Variants in BNC1 observed in about 807,000 individuals in gnomAD.
BNC1 encodes the protein basonuclin zinc finger protein 1, also known as zinc finger protein basonuclin-1.
Under a neutral mutation model 66.5 loss-of-function variants are expected in BNC1, and 8 were observed. That is an observed-to-expected ratio of 0.12 (90% confidence interval 0.07 to 0.22). The LOEUF (loss-of-function observed/expected upper bound fraction) is 0.22. Among genes scored for constraint, BNC1 ranks in the 10% least tolerant of loss-of-function variants. The pLI, the probability that BNC1 is intolerant of heterozygous loss-of-function variation, is 1.00. For missense variants in BNC1, 1,069 were observed against 1,241.3 expected, an observed-to-expected ratio of 0.86 and a Z score of 2.09; for synonymous variants, 454 against 452.6, an observed-to-expected ratio of 1.00 and a Z score of -0.04.
intron 1 of BNC1, among the ~76,000 whole-genome samples, chr15:83,272,895 T>C (rs1215481352): frequency 6.6e-6 from 1 of 152,190 alleles, no homozygotes; most frequent in East Asian, 1.9e-4. Flanking sequence ...TCAACATCCC[T>C]GACTGCTACA....
At chr15:83,266,560 T>G (rs1424076107) in intron 3 of BNC1, among the ~76,000 whole-genome samples, 1 of 152,122 alleles carries the variant, frequency 6.6e-6, no homozygotes, top group South Asian at 2.1e-4. Flanking sequence ...AGGCAGCACC[T>G]GAAATGGGGC....
At chr15:83,277,831 T>G (rs904878081) in intron 1 of BNC1, among the ~76,000 whole-genome samples, 1 of 152,212 alleles carries the variant, frequency 6.6e-6, no homozygotes, top group Non-Finnish European at 1.5e-5. Flanking sequence ...TTTAGGAAAC[T>G]GCATCATTCA....
At position 83,267,004 on chromosome 15, in the gene BNC1, T is replaced by C; in HGVS notation, c.267A>G (p.Val89=). ...TSQVEIVQSN[V]VFDISSLMLY... is the part of the protein sequence containing the mutation. ...GCATGAGGCTGCTAATATCAAACAC[T>C]ACATTGGACTGGACAATCTCCACCT... The change falls in exon 3 of 5, where the codon GTA becomes GTG. Residue 89 remains valine (V), a synonymous_variant. Transcript: ENST00000345382. 1.2e-6 allele frequency: 2 copies of C among 1,614,050 alleles called. No homozygotes were observed. The highest frequency in any genetic ancestry group is 2.2e-5 in the South Asian group (2 of 91,066).
At chr15:83,272,600 G>A (rs1005266143) in intron 1 of BNC1, among the ~76,000 whole-genome samples, 1 of 152,058 alleles carries the variant, frequency 6.6e-6, no homozygotes, top group African/African-American at 2.4e-5. Context: ...TGCTTATTTG[G>A]AAAATAAGAC....
At chr15:83,268,964 G>A (rs2038243761) in intron 1 of BNC1, among the ~76,000 whole-genome samples, 1 of 152,204 alleles carries the variant, frequency 6.6e-6, no homozygotes, top group Non-Finnish European at 1.5e-5. Flanking sequence ...GGTGGCTCAC[G>A]CCTGTAATCC....
Position 83,261,144 on chromosome 15 carries a change from C to T in BNC1, c.2300+1807G>A, listed in dbSNP as rs186754275. On this transcript the variant is annotated intron_variant, in intron 4 of 4. Coordinates refer to ENST00000345382, the MANE Select transcript of BNC1 (RefSeq NM_001717.4). ...TCATAAATATCAAAGATAATATGAC[C>T]AACATGACTGTCTCTGTAGCAACAG... Among the ~76,000 whole-genome samples the T allele has an allele frequency of 2.0e-5, 3 of 152,144 alleles. No individual in the cohort carries two copies. In the East Asian group the frequency reaches 5.8e-4, roughly 29 times the overall value.
intron 1 of BNC1, among the ~76,000 whole-genome samples, chr15:83,281,654 T>C (rs2038379816): frequency 6.6e-6 from 1 of 152,254 alleles, no homozygotes. Context: ...TAAAGCCACA[T>C]ACAGAAGCTA....
intron 1 of BNC1, among the ~76,000 whole-genome samples, chr15:83,281,151 G>C (rs976773782): frequency 6.6e-6 from 1 of 152,190 alleles, no homozygotes. Context: ...GCATGTGTCC[G>C]TGCAGAGAAA....
intron 1 of BNC1, among the ~76,000 whole-genome samples, chr15:83,272,011 G>A (rs1002013386): frequency 1.3e-5 from 2 of 152,160 alleles, no homozygotes; most frequent in Admixed American, 6.5e-5. Context: ...CACCTAAAAC[G>A]TTGTCCAGCA....
At chr15:83,260,177 G>A (rs948684451) in intron 4 of BNC1, among the ~76,000 whole-genome samples, 1 of 152,060 alleles carries the variant, frequency 6.6e-6, no homozygotes, top group East Asian at 1.9e-4. Context: ...CAGAGGCTAC[G>A]TAACACAATT....
At chr15:83,260,173 C>G (rs1251140981) in intron 4 of BNC1, among the ~76,000 whole-genome samples, 2 of 152,084 alleles carry the variant, frequency 1.3e-5, no homozygotes, top group East Asian at 3.9e-4. Context: ...TTTTCAGAGG[C>G]TACGTAACAC....
In BNC1 at chr15:83,257,230, T is replaced by C; in HGVS notation, c.*212A>G. The C allele has an allele frequency of 6.6e-6, 4 of 607,754 alleles. No individual in the cohort carries two copies. In the South Asian group the frequency reaches 8.8e-5, roughly 13 times the overall value. 37.6% of individuals were successfully genotyped at this position (607,754 alleles called of 1,614,324 possible). ...TTCCTTGTATCAGTGAAAGACCTCT[T>C]GGGCTAAGAAAAATAATAGGAAGGG... On this transcript the variant is annotated 3_prime_UTR_variant, in exon 5 of 5. Coordinates refer to ENST00000345382, the MANE Select transcript of BNC1 (RefSeq NM_001717.4).
chr15:83,273,583 T>C (rs1025641896), intron 1 of BNC1, among the ~76,000 whole-genome samples: 3 of 152,248 alleles, frequency 2.0e-5, no homozygotes, highest in Non-Finnish European at 4.4e-5. Context: ...CAAATCAACA[T>C]TCAAAATCCT....
chr15:83,263,102 C>T lies in BNC1; in HGVS notation c.2149G>A (p.Glu717Lys). The change falls in exon 4 of 5, where the codon GAA becomes AAA. Residue 717 changes from glutamate to lysine, a missense_variant. Physicochemically the swap from Glu to Lys is moderately conservative, Grantham distance 56. Coordinates refer to ENST00000345382, the MANE Select transcript of BNC1 (RefSeq NM_001717.4). ...CAGATGTCACACTGGAAGCGATTTT[C>T]TTCTATCTGCCTTGCTAATGCATGC... ...GQHALARQIE[E>K]NRFQCDICKK... 2 of 1,614,204 alleles carry T rather than the reference C, an allele frequency of 1.2e-6. No homozygotes were observed. The highest frequency in any genetic ancestry group is 1.7e-6 in the Non-Finnish European group (2 of 1,180,014).
chr15:83,262,209 C>T (rs139888459), intron 4 of BNC1, among the ~76,000 whole-genome samples: 1,546 of 152,096 alleles, frequency 0.01, 92 homozygotes, highest in Admixed American at 0.09. Context: ...CATGCCACCA[C>T]GCCCAGCTAA....
chr15:83,263,297 C>T lies in BNC1; in HGVS notation c.1954G>A (p.Gly652Ser), dbSNP rs867271953. Residue 652 changes from glycine (G) to serine (S), a missense_variant, in exon 4 of 5, where the codon GGT becomes AGT. Around this residue, in one of 7 missense-constraint regions of BNC1, gnomAD observed 657 missense variants for 715.8 expected, o/e 0.92. Transcript: ENST00000345382. ...LIMVPREVED[G>S]GHEHYFTPGM... ...GGTGTGAAGTAGTGTTCATGGCCAC[C>T]ATCCTCGACCTCCCTTGGCACCATG... 1 of 1,614,208 alleles carries T rather than the reference C, an allele frequency of 6.2e-7. No individual in the cohort carries two copies. Among genetic ancestry groups the T allele is most frequent in the Non-Finnish European group, 8.5e-7 (1 of 1,180,028 alleles).
intron 1 of BNC1, among the ~76,000 whole-genome samples, chr15:83,271,139 G>A (rs774390575): frequency 3.3e-5 from 5 of 152,088 alleles, no homozygotes; most frequent in Admixed American, 6.6e-5. Context: ...AGCCAGGTGT[G>A]GTGGCATGCA....
In BNC1 at chr15:83,264,678, T is replaced by C; in HGVS notation, c.573A>G (p.Gln191=). The C allele has an allele frequency of 1.2e-6, 2 of 1,614,172 alleles. No homozygotes were observed. Among genetic ancestry groups the C allele is most frequent in the Admixed American group, 1.7e-5 (1 of 60,032 alleles). The stretch of plus-strand genomic sequence containing the variant: ...CTGTGGAAGGTGGTATGATGATGGA[T>C]TGCTCTTCTTTCTCTTGAATTGCCA... ...ELMAIQEKEE[Q]SIIIPPSTAN... is the part of the protein sequence containing the mutation. Residue 191 remains glutamine (Q), a synonymous_variant, in exon 4 of 5, where the codon CAA becomes CAG. Transcript: ENST00000345382.
Position 83,257,936 on chromosome 15 carries a change from C to A in BNC1, c.2491G>T (p.Val831Phe). 9 of 1,614,114 alleles carry A rather than the reference C, an allele frequency of 5.6e-6. No homozygotes were observed. The highest frequency in any genetic ancestry group is 7.6e-6 in the Non-Finnish European group (9 of 1,179,974). Reference sequence around the variant, plus strand: ...CTGTGGACTTGCGTTATTGGGTAAACCAGACTGCCCATTCGACTTGTTCCT... The same window carrying A: ...CTGTGGACTTGCGTTATTGGGTAAAACAGACTGCCCATTCGACTTGTTCCT... ...FKGTSRMGSL[V>F]YPITQVHSAS... The change falls in exon 5 of 5, where the codon GTT (valine) becomes TTT (phenylalanine). Residue 831 changes from valine (V) to phenylalanine (F), a missense_variant. This residue lies in a region of BNC1 where 657 missense variants were observed against 715.8 expected (regional missense o/e 0.92). Coordinates refer to ENST00000345382, the MANE Select transcript of BNC1 (RefSeq NM_001717.4).
Sources: gnomAD v4.1 joint callset for allele counts (sites outside exome capture counted in the v4.1 genomes callset) on GRCh38, gnomAD v4.1.1 for gene constraint, gnomAD v4.1.1 regional missense constraint, MANE v1.5 for transcripts, NCBI Gene and HGNC (gene_info 2026-07-23, HGNC 2026-07-21) for gene names.